TUBA1C: variants seen among roughly 807,000 people sequenced by gnomAD.
TUBA1C encodes the protein tubulin alpha-1C chain.
Under a neutral mutation model 34.9 loss-of-function variants are expected in TUBA1C, and 16 were observed. The ratio of observed to expected loss-of-function variants is 0.46; its 90% CI spans 0.31 to 0.70. The LOEUF (loss-of-function observed/expected upper bound fraction) is 0.70, where lower values mean the gene tolerates loss of function less well. Among genes scored for constraint, TUBA1C ranks in the 30% least tolerant of loss-of-function variants. The pLI, the probability that TUBA1C is intolerant of heterozygous loss-of-function variation, is 0.05. For missense variants in TUBA1C, 329 were observed against 587.3 expected, an observed-to-expected ratio of 0.56 and a Z score of 4.55; for synonymous variants, 177 against 215.9, an observed-to-expected ratio of 0.82 and a Z score of 1.58.
At chr12:49,254,137 C>T (rs988545414) in intron 1 of TUBA1C, among the ~76,000 whole-genome samples, 3 of 152,036 alleles carry the variant, frequency 2.0e-5, no homozygotes, top group Admixed American at 2.0e-4. Flanking sequence ...CACGGAGAAA[C>T]CCCGTCTCTA....
chr12:49,250,918 A>G (rs1942726146), intron 1 of TUBA1C, among the ~76,000 whole-genome samples: 1 of 152,166 alleles, frequency 6.6e-6, no homozygotes, highest in Non-Finnish European at 1.5e-5. Context: ...TTAAAAAACA[A>G]TCTTCCAGCT....
intron 1 of TUBA1C, among the ~76,000 whole-genome samples, chr12:49,252,702 G>C (rs375494512): frequency 1.3e-5 from 2 of 152,308 alleles, no homozygotes; most frequent in East Asian, 3.9e-4. Context: ...ACGAGGTCAG[G>C]AGATCGAGAC....
chr12:49,228,144 G>A (rs1942459423), exon 1 of TUBA1C: 1 of 1,535,688 alleles, frequency 6.5e-7, no homozygotes, highest in Non-Finnish European at 8.7e-7. Flanking sequence ...AAAAGCAGAG[G>A]AGAACCTGGC....
At chr12:49,233,111 A>AC (rs1942513942) in intron 1 of TUBA1C, 3 of 152,004 alleles carry the variant, frequency 2.0e-5, no homozygotes, top group African/African-American at 7.3e-5. Context: ...GTCTGAGCGG[A>AC]CTCTCTCCAG....
At chr12:49,253,100 A>G (rs992605156) in intron 1 of TUBA1C, among the ~76,000 whole-genome samples, 2 of 151,774 alleles carry the variant, frequency 1.3e-5, no homozygotes, top group Admixed American at 1.3e-4. Context: ...AAAAAAAAAA[A>G]AAAAAAAGAC....
intron 1 of TUBA1C, among the ~76,000 whole-genome samples, chr12:49,259,776 C>T (rs1169949268): frequency 6.6e-6 from 1 of 152,202 alleles, no homozygotes; most frequent in Non-Finnish European, 1.5e-5. Context: ...CTGATATTCT[C>T]TCTAGTATTC....
At chr12:49,245,183 AC>A (rs1942654597) in intron 1 of TUBA1C, among the ~76,000 whole-genome samples, 1 of 152,176 alleles carries the variant, frequency 6.6e-6, no homozygotes, top group Non-Finnish European at 1.5e-5. Context: ...GGAGGGTGAA[AC>A]GTCCAGCTAT....
At chr12:49,265,234 G>C (rs766666703) in intron 1 of TUBA1C, 50 bp downstream of exon 1, 3 of 1,531,502 alleles carry the variant, frequency 2.0e-6, no homozygotes, top group South Asian at 1.2e-5. Flanking sequence ...CCCAGGGGAC[G>C]GCGGGCCCGG....
chr12:49,264,988 G>T, upstream of TUBA1C: 1 of 754,518 alleles, frequency 1.3e-6, no homozygotes. Flanking sequence ...CGAAGGTGGG[G>T]CCGCAGCGGC....
intron 1 of TUBA1C, among the ~76,000 whole-genome samples, chr12:49,230,841 C>G (rs1942488878): frequency 6.6e-6 from 1 of 152,314 alleles, no homozygotes; most frequent in East Asian, 1.9e-4. Flanking sequence ...GAGAGCTGGA[C>G]TCAAGTCCTG....
chr12:49,228,234 C>A, intron 1 of TUBA1C: 1 of 1,409,864 alleles, frequency 7.1e-7, no homozygotes, highest in Non-Finnish European at 9.6e-7. Flanking sequence ...GTACTGTGTG[C>A]ATGCAACTGA....
At chr12:49,249,285 G>A (rs1012678632) in intron 1 of TUBA1C, among the ~76,000 whole-genome samples, 1 of 152,018 alleles carries the variant, frequency 6.6e-6, no homozygotes, top group African/African-American at 2.4e-5. Flanking sequence ...AAATTAGCCG[G>A]GTGTGGTGGC....
chr12:49,265,517 T>TCCCTC (rs1295735361), intron 1 of TUBA1C, among the ~76,000 whole-genome samples: 2 of 152,108 alleles, frequency 1.3e-5, no homozygotes, highest in East Asian at 3.9e-4. Flanking sequence ...AAACTAAAAA[T>TCCCTC]CCCTCCCCAC....
At chr12:49,265,485 G>A (rs1942895064) in intron 1 of TUBA1C, among the ~76,000 whole-genome samples, 1 of 152,240 alleles carries the variant, frequency 6.6e-6, no homozygotes. Context: ...CAGGGAGCCT[G>A]CTCATTGGCC....
intron 1 of TUBA1C, among the ~76,000 whole-genome samples, chr12:49,245,058 G>A (rs1444309726): frequency 6.6e-6 from 1 of 152,192 alleles, no homozygotes; most frequent in Non-Finnish European, 1.5e-5. Context: ...CTCAGAGCCT[G>A]TTTTAGTGCC....
At chr12:49,266,261 TAAAA>T (rs35928737) in intron 1 of TUBA1C, among the ~76,000 whole-genome samples, 4 of 79,490 alleles carry the variant, frequency 5.0e-5, no homozygotes, top group Non-Finnish European at 1.1e-4. Context: ...CCGTCTCTAC[TAAAA>T]AAAAAAAAAA....
chr12:49,228,211 C>T (rs1024393010), intron 1 of TUBA1C: 40 of 1,518,330 alleles, frequency 2.6e-5, no homozygotes, highest in Admixed American at 1.6e-4. Context: ...TCATCATGCA[C>T]GGCTTGGACA....
chr12:49,261,254 A>G (rs371590192), upstream of TUBA1C, among the ~76,000 whole-genome samples: 222 of 152,304 alleles, frequency 1.5e-3, 2 homozygotes, highest in South Asian at 0.024. Flanking sequence ...GCTTATTGTA[A>G]AGAAGGTTGT....
intron 1 of TUBA1C, chr12:49,228,228 T>C (rs1942460479): frequency 2.1e-6 from 3 of 1,446,820 alleles, no homozygotes; most frequent in Non-Finnish European, 2.8e-6. Flanking sequence ...GACATGGTAC[T>C]GTGTGCATGC....
Sources: allele counts gnomAD v4.1 joint callset (sites outside exome capture counted in the v4.1 genomes callset), GRCh38; gene constraint gnomAD v4.1.1; transcripts MANE v1.5; gene names NCBI Gene and HGNC (gene_info 2026-07-23, HGNC 2026-07-21).